RBFOX2: variants seen among roughly 807,000 people sequenced by gnomAD.
The protein encoded by RBFOX2 is RNA binding fox-1 homolog 2.
RBFOX2 carries 10 observed loss-of-function variants against 49.1 expected under a neutral mutation model. The observed-to-expected ratio is 0.20, with a 90% CI of 0.13 to 0.35. The LOEUF (loss-of-function observed/expected upper bound fraction) is 0.35, where lower values mean the gene tolerates loss of function less well. Ranked by LOEUF, RBFOX2 falls within the 10% of genes least tolerant of loss-of-function variation. The probability of loss-of-function intolerance (pLI) is 1.00; values close to 1 mark genes in which losing one functional copy is unlikely to be tolerated. For synonymous variants in RBFOX2, 183 were observed against 187.4 expected, an observed-to-expected ratio of 0.98 and a Z score of 0.19; for missense variants, 323 against 486.9, an observed-to-expected ratio of 0.66 and a Z score of 3.17.
At chr22:36,024,054 A>C (rs2059339775) in intron 1 of RBFOX2, among the ~76,000 whole-genome samples, 3 of 152,266 alleles carry the variant, frequency 2.0e-5, no homozygotes, top group Admixed American at 2.0e-4. Flanking sequence ...GAATGACCCC[A>C]GTAAATGAAC....
chr22:35,862,898 T>C (rs2043255402), intron 1 of RBFOX2, among the ~76,000 whole-genome samples: 1 of 152,234 alleles, frequency 6.6e-6, no homozygotes, highest in Non-Finnish European at 1.5e-5. Context: ...TATTAAATTA[T>C]AGTTGATGTT....
At chr22:36,015,317 A>G (rs2058992408) in intron 1 of RBFOX2, among the ~76,000 whole-genome samples, 1 of 152,252 alleles carries the variant, frequency 6.6e-6, no homozygotes, top group African/African-American at 2.4e-5. Context: ...CAATAGCTGA[A>G]TAGCAGTACT....
At chr22:35,792,096 C>T (rs1206773814) in intron 2 of RBFOX2, among the ~76,000 whole-genome samples, 1 of 151,864 alleles carries the variant, frequency 6.6e-6, no homozygotes, top group African/African-American at 2.4e-5. Flanking sequence ...GCAGGTGGAT[C>T]ACTTGAGGTT....
intron 1 of RBFOX2, among the ~76,000 whole-genome samples, chr22:35,879,756 T>C (rs959446403): frequency 6.6e-6 from 1 of 152,222 alleles, no homozygotes. Context: ...ATGTTGTGAT[T>C]AGAATAAATT....
intron 1 of RBFOX2, among the ~76,000 whole-genome samples, chr22:35,827,596 T>C (rs1956023549): frequency 6.6e-6 from 1 of 152,196 alleles, no homozygotes; most frequent in Non-Finnish European, 1.5e-5. Flanking sequence ...ATAGCCATTC[T>C]CCTCACACCT....
chr22:35,961,231 T>C (rs1242586829), intron 1 of RBFOX2, among the ~76,000 whole-genome samples: 1 of 152,170 alleles, frequency 6.6e-6, no homozygotes, highest in Non-Finnish European at 1.5e-5. Flanking sequence ...CAAAGGCAAC[T>C]ATATACTAAA....
exon 4 of RBFOX2, chr22:35,778,068 T>C: frequency 1.2e-6 from 2 of 1,613,136 alleles, no homozygotes; most frequent in South Asian, 2.2e-5. Context: ...ATCTAGGATT[T>C]TGCCAAACTG....
chr22:35,801,440 C>G (rs915614045), intron 2 of RBFOX2, among the ~76,000 whole-genome samples: 1 of 151,880 alleles, frequency 6.6e-6, no homozygotes, highest in East Asian at 1.9e-4. Context: ...CACACACACA[C>G]ACACACACTC....
intron 5 of RBFOX2, among the ~76,000 whole-genome samples, 190 bp downstream of exon 6, chr22:35,768,064 TGAG>T (rs1169790600): frequency 4.0e-5 from 6 of 151,428 alleles, no homozygotes; most frequent in Non-Finnish European, 7.4e-5. Context: ...AACCAATAAA[TGAG>T]GAGGGAGGCA....
intron 1 of RBFOX2, among the ~76,000 whole-genome samples, chr22:35,878,812 G>A (rs992675363): frequency 6.6e-6 from 1 of 152,206 alleles, no homozygotes; most frequent in African/African-American, 2.4e-5. Flanking sequence ...CTCACTGCAA[G>A]CTCCGCCTCC....
At chr22:35,899,595 G>A (rs73413863) in intron 1 of RBFOX2, among the ~76,000 whole-genome samples, 11,770 of 150,016 alleles carry the variant, frequency 0.078, 480 homozygotes, top group South Asian at 0.089. Flanking sequence ...AAAGAAAAAA[G>A]GGGGAACAAA....
chr22:35,990,497 G>C (rs2057929244), intron 1 of RBFOX2, among the ~76,000 whole-genome samples: 1 of 152,152 alleles, frequency 6.6e-6, no homozygotes, highest in Non-Finnish European at 1.5e-5. Context: ...AATTAAATGA[G>C]AGAACTGAAG....
intron 1 of RBFOX2, among the ~76,000 whole-genome samples, chr22:35,875,612 GTGTGTGTGTGTGTGTGTGTGTGT>G: frequency 4.1e-5 from 1 of 24,488 alleles, no homozygotes; most frequent in Non-Finnish European, 1.0e-4. Flanking sequence ...ACAAGGGTGT[GTGTGTGTGTGTGTGTGTGTGTGT>G]GTGTGTGTGT....
upstream of RBFOX2, among the ~76,000 whole-genome samples, chr22:35,965,303 C>CT (rs1569514340): frequency 1.3e-5 from 2 of 152,284 alleles, no homozygotes; most frequent in South Asian, 4.1e-4. Flanking sequence ...ATATGACCAG[C>CT]TAAGAGAAGG....
chr22:35,978,245 T>C (rs1403725247), intron 1 of RBFOX2, among the ~76,000 whole-genome samples: 1 of 152,232 alleles, frequency 6.6e-6, no homozygotes, highest in Non-Finnish European at 1.5e-5. Flanking sequence ...CATGATTTTA[T>C]AATATAAAAT....
intron 1 of RBFOX2, among the ~76,000 whole-genome samples, chr22:35,874,016 G>A (rs1295962737): frequency 6.6e-6 from 1 of 152,170 alleles, no homozygotes; most frequent in Admixed American, 6.5e-5. Context: ...GGAGAAATTG[G>A]AAGGGATAGC....
chr22:36,017,136 T>C (rs1430287494), intron 1 of RBFOX2, among the ~76,000 whole-genome samples: 1 of 152,206 alleles, frequency 6.6e-6, no homozygotes, highest in African/African-American at 2.4e-5. Flanking sequence ...AAAGGAACAC[T>C]ATCAGACTTC....
intron 1 of RBFOX2, among the ~76,000 whole-genome samples, chr22:35,853,652 TAC>T (rs1335428705): frequency 7.0e-6 from 1 of 143,520 alleles, no homozygotes; most frequent in Admixed American, 7.5e-5. Flanking sequence ...TACATATATA[TAC>T]ACACGTGTGT....
At chr22:35,951,868 A>T (rs1366509566) in intron 1 of RBFOX2, among the ~76,000 whole-genome samples, 1 of 152,174 alleles carries the variant, frequency 6.6e-6, no homozygotes, top group Non-Finnish European at 1.5e-5. Context: ...CACAGACCTA[A>T]GAACATATTT....
Sources: allele counts gnomAD v4.1 joint callset (sites outside exome capture counted in the v4.1 genomes callset), GRCh38; gene constraint gnomAD v4.1.1; transcripts MANE v1.5; gene names NCBI Gene and HGNC (gene_info 2026-07-23, HGNC 2026-07-21).